DLG2: variants seen among roughly 807,000 people sequenced by gnomAD.
DLG2 encodes disks large homolog 2.
DLG2 carries 45 observed loss-of-function variants against 132.5 expected under a neutral mutation model. The observed-to-expected ratio is 0.34, with a 90% CI of 0.27 to 0.44. The LOEUF is 0.44. DLG2 is among the 20% of genes least tolerant of loss of function. DLG2 has a pLI of 1.00. For synonymous variants in DLG2, 424 were observed against 419.6 expected (o/e 1.01, Z -0.13); for missense variants, 1,045 against 1,196.9 (o/e 0.87, Z 1.87).
chr11:85,537,535 G>A (rs2075677894), intron 3 of DLG2, among the ~76,000 whole-genome samples: 1 of 148,958 alleles, frequency 6.7e-6, no homozygotes, highest in South Asian at 2.1e-4. Flanking sequence ...CGGGAGGGAT[G>A]AACAACTCCA....
intron 6 of DLG2, among the ~76,000 whole-genome samples, chr11:84,693,531 A>G (rs1369593594): frequency 2.0e-5 from 3 of 151,722 alleles, no homozygotes. Flanking sequence ...GTGCCTCTCC[A>G]TAACAGCATA....
intron 2 of DLG2, among the ~76,000 whole-genome samples, chr11:85,614,990 C>G (rs2081245948): frequency 6.6e-6 from 1 of 152,174 alleles, no homozygotes; most frequent in Non-Finnish European, 1.5e-5. Context: ...TATAATTATT[C>G]TTTGCAATTA....
At chr11:84,492,573 T>C (rs1490677566) in intron 7 of DLG2, among the ~76,000 whole-genome samples, 1 of 152,160 alleles carries the variant, frequency 6.6e-6, no homozygotes, top group East Asian at 1.9e-4. Flanking sequence ...GTTCCTCAGC[T>C]GTATAATAAA....
intron 2 of DLG2, among the ~76,000 whole-genome samples, chr11:85,610,296 T>C (rs1397813773): frequency 2.6e-5 from 4 of 152,230 alleles, no homozygotes; most frequent in Non-Finnish European, 5.9e-5. Flanking sequence ...GAATGGTCAG[T>C]GGAGACTAGT....
At chr11:83,993,362 T>C (rs1384006683) in intron 11 of DLG2, among the ~76,000 whole-genome samples, 1 of 152,172 alleles carries the variant, frequency 6.6e-6, no homozygotes, top group Non-Finnish European at 1.5e-5. Context: ...AGTTGATTGC[T>C]TTAGCTCAAG....
intron 6 of DLG2, among the ~76,000 whole-genome samples, chr11:84,890,419 T>C (rs1057418465): frequency 6.6e-6 from 1 of 152,168 alleles, no homozygotes; most frequent in African/African-American, 2.4e-5. Context: ...CATATTCTTA[T>C]AAGAATTGGG....
At chr11:83,855,111 A>G (rs1288856569) in intron 16 of DLG2, among the ~76,000 whole-genome samples, 1 of 152,202 alleles carries the variant, frequency 6.6e-6, no homozygotes, top group Admixed American at 6.5e-5. Context: ...GCAAATTATA[A>G]CAATAATGAG....
chr11:85,477,854 T>C (rs1324121969), intron 3 of DLG2, among the ~76,000 whole-genome samples: 1 of 152,214 alleles, frequency 6.6e-6, no homozygotes, highest in Non-Finnish European at 1.5e-5. Flanking sequence ...TTTAATAATG[T>C]ATTCATAGCG....
intron 6 of DLG2, among the ~76,000 whole-genome samples, chr11:84,935,718 A>T (rs896789243): frequency 2.6e-5 from 4 of 152,204 alleles, no homozygotes; most frequent in Non-Finnish European, 5.9e-5. Flanking sequence ...ATAGGAGAGC[A>T]TATCATGACA....
At chr11:84,208,783 A>G (rs1408157368) in intron 8 of DLG2, among the ~76,000 whole-genome samples, 2 of 152,224 alleles carry the variant, frequency 1.3e-5, no homozygotes, top group Non-Finnish European at 2.9e-5. Context: ...TTTGTTTATC[A>G]TAGGGATTAA....
At chr11:84,588,782 GAA>G (rs55809725) in intron 6 of DLG2, among the ~76,000 whole-genome samples, 13 of 137,006 alleles carry the variant, frequency 9.5e-5, no homozygotes, top group African/African-American at 1.9e-4. Flanking sequence ...TAGCATATGT[GAA>G]AAAAAAAAAA....
chr11:84,745,428 C>A (rs1478764604), intron 6 of DLG2, among the ~76,000 whole-genome samples: 1 of 152,200 alleles, frequency 6.6e-6, no homozygotes, highest in African/African-American at 2.4e-5. Context: ...CCTTTCACCT[C>A]CTGCCATGAT....
chr11:85,564,021 T>C (rs144507908), intron 3 of DLG2, among the ~76,000 whole-genome samples: 1 of 152,208 alleles, frequency 6.6e-6, no homozygotes, highest in Non-Finnish European at 1.5e-5. Context: ...GTGGTTTTAA[T>C]TTGCATTTTC....
At chr11:84,946,098 C>A (rs1453401347) in intron 6 of DLG2, among the ~76,000 whole-genome samples, 5 of 152,116 alleles carry the variant, frequency 3.3e-5, no homozygotes, top group African/African-American at 9.7e-5. Flanking sequence ...CTGTGCCTCT[C>A]CGTTAAGGGC....
At chr11:85,217,504 A>G (rs969119115) in intron 4 of DLG2, among the ~76,000 whole-genome samples, 1 of 152,190 alleles carries the variant, frequency 6.6e-6, no homozygotes, top group African/African-American at 2.4e-5. Context: ...CCAATCAATT[A>G]AACACCAGAG....
chr11:83,638,648 T>G (rs910358044), intron 18 of DLG2, among the ~76,000 whole-genome samples: 1 of 152,102 alleles, frequency 6.6e-6, no homozygotes, highest in Non-Finnish European at 1.5e-5. Flanking sequence ...TGTTATGAAT[T>G]GATGTCTTCA....
chr11:84,597,782 G>C (rs1326798155), intron 6 of DLG2, among the ~76,000 whole-genome samples: 1 of 152,118 alleles, frequency 6.6e-6, no homozygotes, highest in Non-Finnish European at 1.5e-5. Flanking sequence ...GGACAAGAAG[G>C]CATCATTTGC....
chr11:83,564,397 G>T (rs1347850990), intron 19 of DLG2, among the ~76,000 whole-genome samples: 1 of 152,124 alleles, frequency 6.6e-6, no homozygotes, highest in African/African-American at 2.4e-5. Context: ...CTAGCTCGTG[G>T]CCTTGCTTAA....
At chr11:83,513,026 T>C (rs940392229) in intron 21 of DLG2, among the ~76,000 whole-genome samples, 22 of 152,242 alleles carry the variant, frequency 1.4e-4, no homozygotes, top group Admixed American at 3.3e-4. Flanking sequence ...GCATGATTTA[T>C]AATCCTTTGG....
Sources: allele counts gnomAD v4.1 joint callset (sites outside exome capture counted in the v4.1 genomes callset), GRCh38; gene constraint gnomAD v4.1.1; transcripts MANE v1.5; gene names NCBI Gene and HGNC (gene_info 2026-07-23, HGNC 2026-07-21).